Variants in LUZP1 observed in about 807,000 individuals in gnomAD.
LUZP1 encodes the protein filamin mechanobinding actin cross-linking protein.
Under a neutral mutation model 71.3 loss-of-function variants are expected in LUZP1, and 25 were observed. The ratio of observed to expected loss-of-function variants is 0.35; its 90% confidence interval spans 0.26 to 0.49. LUZP1 has a LOEUF of 0.49. Ranked by LOEUF, LUZP1 falls within the 20% of genes least tolerant of loss-of-function variation. The pLI, the probability that LUZP1 is intolerant of heterozygous loss-of-function variation, is 0.99. For synonymous variants in LUZP1, 481 were observed against 506.4 expected, an observed-to-expected ratio of 0.95 and a Z score of 0.67; for missense variants, 1,142 against 1,300.8, an observed-to-expected ratio of 0.88 and a Z score of 1.88.
chr1:23,119,042 A>G (rs72877238), intron 2 of LUZP1, among the ~76,000 whole-genome samples: 1 of 152,168 alleles, frequency 6.6e-6, no homozygotes, highest in South Asian at 2.1e-4. Flanking sequence ...AGGTTGTCCT[A>G]TGTTGTTTTA....
intron 2 of LUZP1, among the ~76,000 whole-genome samples, chr1:23,144,633 G>A (rs767231479): frequency 1.3e-5 from 2 of 152,108 alleles, no homozygotes; most frequent in Non-Finnish European, 2.9e-5. Context: ...GGCTAGGCTA[G>A]ACTAGGACAT....
chr1:23,084,291 G>A (rs1222415600), exon 5 of LUZP1: 1 of 152,180 alleles, frequency 6.6e-6, no homozygotes, highest in Non-Finnish European at 1.5e-5. Flanking sequence ...GAGCAGGGAG[G>A]ATCAGTTCAT....
At chr1:23,135,443 T>C (rs1040890492) in intron 2 of LUZP1, among the ~76,000 whole-genome samples, 2 of 152,194 alleles carry the variant, frequency 1.3e-5, no homozygotes, top group African/African-American at 4.8e-5. Flanking sequence ...TGGAGTTGGG[T>C]AGACTTCAGA....
In LUZP1 at chr1:23,091,324, G is replaced by C. The variant is rs749132395; in HGVS notation, c.2938C>G (p.Pro980Ala). The change falls in exon 4 of 5, where the codon CCA becomes GCA. Residue 980 changes from proline (P) to alanine (A), a missense_variant. By Grantham distance (27) the Pro-to-Ala change is conservative. Coordinates refer to ENST00000302291, the Ensembl canonical transcript of LUZP1. Reference sequence around the variant, plus strand: ...GGCTCAGGGGCATCCCCTGAACTTGGTCCTACCCTTCGAGTGCCCTGCTCA... The same window carrying C: ...GGCTCAGGGGCATCCCCTGAACTTGCTCCTACCCTTCGAGTGCCCTGCTCA... The C allele has an allele frequency of 1.1e-5, 17 of 1,614,126 alleles. No homozygotes were observed. The East Asian group carries it at 3.8e-4, about 36-fold the overall frequency.
rs577053805 is a variant in LUZP1, at chr1:23,089,043, C to T, written c.3083G>A (p.Gly1028Glu). ...GTAGACACTGAGTGTACAGTCTTCC[C>T]CTTCTTCCTCCTGTGCCAATAAATA... Residue 1028 changes from glycine to glutamate, a missense_variant, in exon 5 of 5, where the codon GGG becomes GAG. Gly to Glu is a moderately conservative substitution (Grantham distance 98, BLOSUM62 -2). Coordinates refer to ENST00000302291, the Ensembl canonical transcript of LUZP1. 75 of 1,613,804 alleles carry T rather than the reference C, an allele frequency of 4.6e-5. 1 individual carries two copies. The South Asian group carries it at 8.2e-4, about 18-fold the overall frequency.
intron 2 of LUZP1, among the ~76,000 whole-genome samples, chr1:23,146,379 A>G (rs561116063): frequency 1.3e-5 from 2 of 152,374 alleles, no homozygotes; most frequent in East Asian, 3.9e-4. Flanking sequence ...TGCGGAACAT[A>G]GGCTCTGGAG....
intron 2 of LUZP1, among the ~76,000 whole-genome samples, chr1:23,146,186 T>G (rs1442608849): frequency 6.6e-6 from 1 of 151,850 alleles, no homozygotes; most frequent in Non-Finnish European, 1.5e-5. Context: ...ACATGCTAAT[T>G]TTTGTATTTT....
intron 2 of LUZP1, among the ~76,000 whole-genome samples, chr1:23,118,138 G>A (rs1236081191): frequency 5.9e-5 from 9 of 151,668 alleles, no homozygotes; most frequent in Admixed American, 5.9e-4. Flanking sequence ...ATGGTGGCTT[G>A]CGCCTGTAAT....
At chr1:23,172,087 A>T (rs1209867592) in intron 1 of LUZP1, among the ~76,000 whole-genome samples, 1 of 152,188 alleles carries the variant, frequency 6.6e-6, no homozygotes, top group Non-Finnish European at 1.5e-5. Flanking sequence ...TGTGAGGGTT[A>T]AACATGTGAA....
rs1398679541 is a variant in LUZP1 at position 23,175,072 on chromosome 1, A to G, written c.-485+2419T>C. Among the ~76,000 whole-genome samples, 2 of 152,122 alleles carry G rather than the reference A, an allele frequency of 1.3e-5. 1 individual carries two copies. Among genetic ancestry groups the G allele is most frequent in the African/African-American group, 4.8e-5 (2 of 41,420 alleles). On this transcript the variant is annotated intron_variant, in intron 1 of 4. Coordinates refer to ENST00000302291, the Ensembl canonical transcript of LUZP1. ...TTATTGCTAGTATATTGCATATACTATCTCTTAAAGGTTATAGGGGGTCAT... is the reference window on the plus strand; with the variant it reads ...TTATTGCTAGTATATTGCATATACTGTCTCTTAAAGGTTATAGGGGGTCAT...
intron 2 of LUZP1, among the ~76,000 whole-genome samples, chr1:23,112,845 A>G (rs1027541650): frequency 1.3e-5 from 2 of 152,198 alleles, no homozygotes; most frequent in Non-Finnish European, 2.9e-5. Context: ...GGAGAGTCTC[A>G]GGTTCTGTGT....
intron 2 of LUZP1, among the ~76,000 whole-genome samples, chr1:23,164,627 C>T (rs1001588385): frequency 7.2e-5 from 11 of 152,138 alleles, no homozygotes; most frequent in African/African-American, 2.7e-4. Flanking sequence ...GAGACAGAGA[C>T]TTGAGCTAAA....
chr1:23,139,622 A>G (rs1225525151), intron 2 of LUZP1, among the ~76,000 whole-genome samples: 4 of 152,200 alleles, frequency 2.6e-5, no homozygotes, highest in Non-Finnish European at 5.9e-5. Context: ...TTAATTTATT[A>G]TAAGAGTACA....
chr1:23,157,719 A>G (rs1232572972), intron 2 of LUZP1, among the ~76,000 whole-genome samples: 1 of 152,114 alleles, frequency 6.6e-6, no homozygotes, highest in Non-Finnish European at 1.5e-5. Flanking sequence ...TGAACCCAGG[A>G]GGCGGAGGTT....
At chr1:23,105,991 C>A (rs1012122487) in intron 3 of LUZP1, among the ~76,000 whole-genome samples, 1 of 152,100 alleles carries the variant, frequency 6.6e-6, no homozygotes, top group African/African-American at 2.4e-5. Context: ...ATGAAATGCT[C>A]TGATATATAT....
chr1:23,129,753 G>A (rs866971388), intron 2 of LUZP1, among the ~76,000 whole-genome samples: 40 of 152,074 alleles, frequency 2.6e-4, no homozygotes, highest in Middle Eastern at 3.4e-3. Context: ...TTTTCCTAAG[G>A]AAATAAGATC....
intron 2 of LUZP1, among the ~76,000 whole-genome samples, chr1:23,148,018 A>G (rs1644356706): frequency 6.6e-6 from 1 of 152,182 alleles, no homozygotes; most frequent in African/African-American, 2.4e-5. Flanking sequence ...ATAAACTGCC[A>G]CATTTCTAAT....
At chr1:23,137,588 C>A (rs1215892473) in intron 2 of LUZP1, among the ~76,000 whole-genome samples, 1 of 152,028 alleles carries the variant, frequency 6.6e-6, no homozygotes, top group East Asian at 1.9e-4. Flanking sequence ...TTGCAATGAG[C>A]CAAGATTGCG....
intron 2 of LUZP1, among the ~76,000 whole-genome samples, chr1:23,129,852 T>A (rs1487665687): frequency 2.0e-5 from 3 of 152,174 alleles, no homozygotes; most frequent in African/African-American, 7.2e-5. Flanking sequence ...CACAATGGCA[T>A]TGTATATCTG....
Sources: gnomAD v4.1 joint callset for allele counts (sites outside exome capture counted in the v4.1 genomes callset) on GRCh38, gnomAD v4.1.1 for gene constraint, MANE v1.5 for transcripts, NCBI Gene and HGNC (gene_info 2026-07-23, HGNC 2026-07-21) for gene names.